Variants in METTL16 observed in about 807,000 individuals in gnomAD.
METTL16 encodes methyltransferase 16, RNA N6-adenosine.
METTL16 carries 19 observed loss-of-function variants against 57.9 expected under a neutral mutation model. The ratio of observed to expected loss-of-function variants is 0.33; its 90% CI spans 0.23 to 0.48. The LOEUF (loss-of-function observed/expected upper bound fraction) is 0.48, where lower values mean the gene tolerates loss of function less well. Among genes scored for constraint, METTL16 ranks in the 20% least tolerant of loss-of-function variants. The probability of loss-of-function intolerance (pLI) is 0.99; values close to 1 mark genes in which losing one functional copy is unlikely to be tolerated. For synonymous variants in METTL16, 246 were observed against 255.6 expected, an observed-to-expected ratio of 0.96 and a Z score of 0.36; for missense variants, 434 against 691.5, an observed-to-expected ratio of 0.63 and a Z score of 4.18.
chr17:2,505,751 C>T (rs2067528177), intron 1 of METTL16, among the ~76,000 whole-genome samples: 1 of 152,022 alleles, frequency 6.6e-6, no homozygotes, highest in South Asian at 2.1e-4. Context: ...TCCCTCCTTC[C>T]ACCTCGTAGT....
Position 2,502,326 on chromosome 17 carries a change from A to G in METTL16, c.6T>C (p.Ala2=). 3.1e-6 allele frequency: 5 copies of G among 1,612,962 alleles called. No individual in the cohort carries two copies. The highest frequency in any genetic ancestry group is 4.2e-6 in the Non-Finnish European group (5 of 1,179,680). Residue 2 remains alanine, a synonymous_variant, in exon 2 of 10, where the codon GCT becomes GCC. Coordinates refer to ENST00000263092, the MANE Select transcript of METTL16 (RefSeq NM_024086.4). M[A]LSKSMHARNR... is the part of the protein sequence containing the mutation. ...TTCTTGCATGCATTGATTTACTCAG[A>G]GCCATCTTAAGGAGAGAAAGAGAGA...
At position 2,467,883 on chromosome 17, in the gene METTL16, GA is replaced by G; in HGVS notation, c.470-8del. ...TTCTGTGGCACTTTCACCACTAGGA[GA>G]AAAAACAGGACTGTGAACTAATATT... On this transcript the variant is annotated splice_polypyrimidine_tract_variant and splice_region_variant and intron_variant, in intron 4 of 9. Transcript: ENST00000263092. The G allele has an allele frequency of 6.4e-7, 1 of 1,573,656 alleles. No individual in the cohort carries two copies. Among genetic ancestry groups the G allele is most frequent in the South Asian group, 1.1e-5 (1 of 90,142 alleles).
At chr17:2,421,046 G>T in intron 8 of METTL16, 142 bp from the exon 9 acceptor site, 2 of 914,574 alleles carry the variant, frequency 2.2e-6, no homozygotes, top group African/African-American at 1.7e-5. Context: ...TTTTGTGTGT[G>T]TTATGTCCAG....
chr17:2,428,612 T>C (rs1430465597), intron 8 of METTL16, among the ~76,000 whole-genome samples: 1 of 85,178 alleles, frequency 1.2e-5, no homozygotes, highest in Non-Finnish European at 2.1e-5. Context: ...TAAATTGTAA[T>C]ACAGCGGGGC....
In METTL16 at chr17:2,417,576, T is replaced by C. The variant is rs902972746; in HGVS notation, c.*2394A>G. On this transcript the variant is annotated 3_prime_UTR_variant, in exon 10 of 10. Transcript: ENST00000263092. ...AGACATTTTGAACAGGCAAGGAGTG[T>C]AAGCTAATACACTACTGTTACAACA... The C allele has an allele frequency of 6.6e-6, 1 of 152,124 alleles. No individual in the cohort carries two copies. Among genetic ancestry groups the C allele is most frequent in the Non-Finnish European group, 1.5e-5 (1 of 68,032 alleles). The allele number at this position is 152,124 out of a possible 1,614,324, so 9.4% of individuals were successfully genotyped here. A position where few individuals can be genotyped will look rare whatever the true frequency, so the allele number is the denominator to read the frequency against.
At chr17:2,445,185 T>C (rs1445487779) in intron 6 of METTL16, among the ~76,000 whole-genome samples, 1 of 152,158 alleles carries the variant, frequency 6.6e-6, no homozygotes, top group East Asian at 1.9e-4. Flanking sequence ...CCCTTTTCTA[T>C]GTTTGATATG....
At chr17:2,461,519 T>C (rs948042715) in intron 6 of METTL16, among the ~76,000 whole-genome samples, 1 of 151,770 alleles carries the variant, frequency 6.6e-6, no homozygotes, top group African/African-American at 2.4e-5. Context: ...GTAGCTCCTG[T>C]AGCCTGCAAA....
At chr17:2,488,206 A>G (rs1245172492) in intron 2 of METTL16, among the ~76,000 whole-genome samples, 1 of 152,188 alleles carries the variant, frequency 6.6e-6, no homozygotes, top group Non-Finnish European at 1.5e-5. Context: ...TGACAGATTA[A>G]CAGATAAAGC....
At chr17:2,506,931 G>A (rs1229194197) in intron 1 of METTL16, among the ~76,000 whole-genome samples, 10 of 150,914 alleles carry the variant, frequency 6.6e-5, no homozygotes, top group East Asian at 2.0e-4. Flanking sequence ...ATCTCTGCCC[G>A]GCCGCCCCGT....
At chr17:2,447,449 G>GGGT (rs2067010419) in intron 6 of METTL16, among the ~76,000 whole-genome samples, 1 of 99,022 alleles carries the variant, frequency 1.0e-5, no homozygotes, top group East Asian at 2.4e-4. Flanking sequence ...GGAGGGAGGT[G>GGGT]GGGGGGGTCA....
chr17:2,502,683 C>T (rs956651070), intron 1 of METTL16, among the ~76,000 whole-genome samples: 35 of 150,694 alleles, frequency 2.3e-4, no homozygotes, highest in African/African-American at 8.3e-4. Flanking sequence ...AGCGAAACTC[C>T]GTCTCAAAAA....
chr17:2,483,783 G>A (rs757715030), intron 2 of METTL16, among the ~76,000 whole-genome samples: 3 of 152,138 alleles, frequency 2.0e-5, no homozygotes, highest in East Asian at 1.9e-4. Context: ...TACTTCTAAC[G>A]AGAATATTTT....
At chr17:2,446,889 G>T (rs1399557920) in intron 6 of METTL16, among the ~76,000 whole-genome samples, 1 of 152,046 alleles carries the variant, frequency 6.6e-6, no homozygotes, top group Non-Finnish European at 1.5e-5. Context: ...AGTGCTCAGT[G>T]GTGCCCAGGC....
chr17:2,432,989 T>C (rs995343530), intron 8 of METTL16, among the ~76,000 whole-genome samples: 2 of 152,178 alleles, frequency 1.3e-5, no homozygotes, highest in African/African-American at 4.8e-5. Flanking sequence ...TCCACACCTA[T>C]GCAAGAAGGT....
At chr17:2,506,592 A>G (rs1382983845) in intron 1 of METTL16, among the ~76,000 whole-genome samples, 8 of 151,364 alleles carry the variant, frequency 5.3e-5, no homozygotes, top group African/African-American at 7.3e-5. Context: ...TCAGTGCTCA[A>G]TGGTGCCCAG....
intron 3 of METTL16, among the ~76,000 whole-genome samples, chr17:2,476,312 T>C (rs1320923445): frequency 6.6e-6 from 1 of 152,238 alleles, no homozygotes; most frequent in Admixed American, 6.5e-5. Context: ...AAATATGTGA[T>C]TTATTTGCAT....
chr17:2,492,085 C>T (rs1264140638), intron 2 of METTL16, among the ~76,000 whole-genome samples: 1 of 151,026 alleles, frequency 6.6e-6, no homozygotes, highest in South Asian at 2.1e-4. Flanking sequence ...GTGGCGGGTG[C>T]CTGTAGTCCC....
chr17:2,427,068 C>T (rs889057095), intron 8 of METTL16, among the ~76,000 whole-genome samples: 1 of 152,088 alleles, frequency 6.6e-6, no homozygotes, highest in African/African-American at 2.4e-5. Flanking sequence ...ATAGCTTGAA[C>T]CCAGGAGGCA....
chr17:2,462,426 C>G (rs1332378169), intron 6 of METTL16, among the ~76,000 whole-genome samples: 6 of 152,144 alleles, frequency 3.9e-5, no homozygotes, highest in African/African-American at 1.4e-4. Flanking sequence ...CTTCACATTA[C>G]TAAACTATAC....
Sources: allele counts gnomAD v4.1 joint callset (sites outside exome capture counted in the v4.1 genomes callset), GRCh38; gene constraint gnomAD v4.1.1; transcripts MANE v1.5; gene names NCBI Gene and HGNC (gene_info 2026-07-23, HGNC 2026-07-21).